Variants in ELF1 observed in about 807,000 individuals in gnomAD.
ELF1 encodes ETS-related transcription factor Elf-1.
A neutral mutation model predicts 59.9 loss-of-function variants in ELF1; 24 were observed. The ratio of observed to expected loss-of-function variants is 0.40; its 90% CI spans 0.29 to 0.56. The LOEUF (loss-of-function observed/expected upper bound fraction) is 0.56. Among genes scored for constraint, ELF1 ranks in the 20% least tolerant of loss-of-function variants. The probability of loss-of-function intolerance (pLI) is 0.44; values close to 1 mark genes in which losing one functional copy is unlikely to be tolerated. For missense variants in ELF1, 627 were observed against 742.2 expected, an observed-to-expected ratio of 0.84 and a Z score of 1.80; for synonymous variants, 248 against 266.2, an observed-to-expected ratio of 0.93 and a Z score of 0.67.
intron 1 of ELF1, among the ~76,000 whole-genome samples, chr13:41,042,351 C>T (rs1027709151): frequency 6.6e-6 from 1 of 151,572 alleles, no homozygotes; most frequent in African/African-American, 2.4e-5. Context: ...CATACATGTG[C>T]ACAACGTGCA....
At chr13:40,936,769 A>AG (rs1263720090) in intron 8 of ELF1, among the ~76,000 whole-genome samples, 7 of 149,528 alleles carry the variant, frequency 4.7e-5, no homozygotes, top group African/African-American at 1.7e-4. Context: ...TCAAAAAAAA[A>AG]AAAAAAAAGA....
chr13:40,955,064 T>C (rs9532683), intron 3 of ELF1, among the ~76,000 whole-genome samples: 143,534 of 147,142 alleles, frequency 0.98, 70,079 homozygotes, highest in Non-Finnish European at 1. Context: ...CCTGCCGCCC[T>C]GTCTGGGATG....
At position 41,030,026 on chromosome 13, in the gene ELF1, G is replaced by A. The variant is rs1207125970; in HGVS notation, c.-229+30812C>T. 3.3e-5 allele frequency among the ~76,000 whole-genome samples: 5 copies of A among 152,004 alleles called. No individual in the cohort carries two copies. In the East Asian group the frequency reaches 7.7e-4, roughly 24 times the overall value. On this transcript the variant is annotated intron_variant, in intron 1 of 1. Coordinates refer to the ELF1 transcript ENST00000405737. ...GCCCAGGTTAAAGGTATGGGCTAGA[G>A]ATCATAAACTTGGGAATAATTACCA...
At chr13:40,940,406 A>AAC (rs1870068984) in intron 8 of ELF1, among the ~76,000 whole-genome samples, 2 of 76,140 alleles carry the variant, frequency 2.6e-5, no homozygotes, top group Non-Finnish European at 7.8e-5. Context: ...AAAAAAAAAA[A>AAC]AAAAAAAAAA....
upstream of ELF1, among the ~76,000 whole-genome samples, chr13:41,020,610 C>A (rs1397746157): frequency 6.6e-6 from 1 of 152,144 alleles, no homozygotes; most frequent in Non-Finnish European, 1.5e-5. Flanking sequence ...GAAAAATAAT[C>A]TCCATGGTTT....
intron 8 of ELF1, among the ~76,000 whole-genome samples, 180 bp from the exon 9 acceptor site, chr13:40,934,208 G>A (rs575765753): frequency 8.5e-5 from 13 of 152,226 alleles, no homozygotes; most frequent in Non-Finnish European, 1.6e-4. Context: ...TACATACAGA[G>A]ATGCCTAACA....
Position 40,958,831 on chromosome 13 carries a change from C to A in ELF1, c.253+5G>T, listed in dbSNP as rs199763794. ...CAAGGTCCTACTGGATGGAGACACACGCACCTGTAAGGGTGATGTCATCAT... is the reference window on the plus strand; with the variant it reads ...CAAGGTCCTACTGGATGGAGACACAAGCACCTGTAAGGGTGATGTCATCAT... On this transcript the variant is annotated splice_donor_5th_base_variant and intron_variant, in intron 3 of 8. Coordinates refer to ENST00000239882, the MANE Select transcript of ELF1 (RefSeq NM_172373.4). The A allele has an allele frequency of 3.1e-6, 5 of 1,604,008 alleles. No individual in the cohort carries two copies. The East Asian group carries it at 1.1e-4, about 36-fold the overall frequency.
chr13:41,002,274 A>G (rs969373029), intron 1 of ELF1, among the ~76,000 whole-genome samples: 1 of 152,194 alleles, frequency 6.6e-6, no homozygotes, highest in Non-Finnish European at 1.5e-5. Context: ...CTTTATAAAT[A>G]GAAATACCTG....
intron 1 of ELF1, among the ~76,000 whole-genome samples, chr13:41,000,425 T>C (rs948485076): frequency 6.8e-6 from 1 of 147,172 alleles, no homozygotes; most frequent in South Asian, 2.2e-4. Flanking sequence ...TTTCGCCACA[T>C]TGGCCAGGCT....
At chr13:41,047,690 C>CT (rs1248046461) in intron 1 of ELF1, among the ~76,000 whole-genome samples, 10 of 152,344 alleles carry the variant, frequency 6.6e-5, no homozygotes, top group African/African-American at 2.4e-4. Flanking sequence ...TCTGCCCCTA[C>CT]TAGGGGTGCC....
At chr13:40,971,144 T>C (rs1872526008) in intron 2 of ELF1, among the ~76,000 whole-genome samples, 1 of 152,228 alleles carries the variant, frequency 6.6e-6, no homozygotes, top group Non-Finnish European at 1.5e-5. Context: ...TACTAAGTCA[T>C]AATGAAAGTC....
chr13:40,956,363 T>C (rs1337084302), intron 3 of ELF1, among the ~76,000 whole-genome samples: 12 of 151,956 alleles, frequency 7.9e-5, no homozygotes, highest in Admixed American at 1.3e-4. Context: ...TAAACAGATA[T>C]TTGAAGGCAG....
intron 8 of ELF1, among the ~76,000 whole-genome samples, chr13:40,938,203 T>A (rs551363229): frequency 6.6e-6 from 1 of 152,350 alleles, no homozygotes; most frequent in East Asian, 1.9e-4. Context: ...CTCCAATGTT[T>A]ACCAAGGGGC....
intron 1 of ELF1, among the ~76,000 whole-genome samples, chr13:40,993,690 G>T (rs1010840588): frequency 2.6e-5 from 4 of 151,966 alleles, no homozygotes; most frequent in Non-Finnish European, 4.4e-5. Context: ...TCATCATCTT[G>T]TTGAGGCTGA....
In ELF1 at chr13:40,954,864, C is replaced by T. The variant is rs370959370; in HGVS notation, c.254-3428G>A. On this transcript the variant is annotated intron_variant, in intron 3 of 8. Transcript: ENST00000239882. ...GCCGAGATTGCAGCCTCTGCCCGGC[C>T]GCCACCCCGTCTGGGAAGTGAGGAG... Among the ~76,000 whole-genome samples the T allele has an allele frequency of 9.9e-5, 14 of 140,742 alleles. No homozygotes were observed. In the South Asian group the frequency reaches 1.2e-3, roughly 12 times the overall value. The allele number at this position is 140,742 out of a possible 152,430, so 92.3% of individuals were successfully genotyped here.
At chr13:41,024,325 C>T (rs926885385) in intron 1 of ELF1, among the ~76,000 whole-genome samples, 8 of 151,242 alleles carry the variant, frequency 5.3e-5, no homozygotes, top group Admixed American at 1.3e-4. Flanking sequence ...GGGGGGGTGG[C>T]TGTTTTTGTT....
chr13:41,017,351 A>G (rs1875466484), intron 1 of ELF1, among the ~76,000 whole-genome samples: 1 of 152,148 alleles, frequency 6.6e-6, no homozygotes, highest in African/African-American at 2.4e-5. Context: ...TAGGTACTGC[A>G]TGACCTCAAG....
intron 1 of ELF1, among the ~76,000 whole-genome samples, chr13:41,010,074 AT>A (rs1399302292): frequency 1.3e-4 from 19 of 145,146 alleles, no homozygotes; most frequent in East Asian, 1.2e-3. Flanking sequence ...ACTCCCTGGG[AT>A]TTTTTTTTTC....
chr13:41,039,130 T>C (rs1471784249), intron 1 of ELF1, among the ~76,000 whole-genome samples: 3 of 151,810 alleles, frequency 2.0e-5, no homozygotes, highest in Non-Finnish European at 1.5e-5. Context: ...CCAGGTACAG[T>C]GGCTCACATC....
Sources: allele counts gnomAD v4.1 joint callset (sites outside exome capture counted in the v4.1 genomes callset), GRCh38; gene constraint gnomAD v4.1.1; transcripts MANE v1.5; gene names NCBI Gene and HGNC (gene_info 2026-07-23, HGNC 2026-07-21).